DAB1: variants seen among roughly 807,000 people sequenced by gnomAD.
DAB1 encodes disabled homolog 1.
DAB1 carries 15 observed loss-of-function variants against 64.6 expected under a neutral mutation model. The observed-to-expected ratio is 0.23, with a 90% CI of 0.16 to 0.36. DAB1 has a LOEUF of 0.36. Ranked by LOEUF, DAB1 falls within the 10% of genes least tolerant of loss-of-function variation. The pLI is 1.00. For missense variants in DAB1, 596 were observed against 706.7 expected (o/e 0.84, Z 1.78); for synonymous variants, 235 against 251.9 (o/e 0.93, Z 0.64).
intron 2 of DAB1, among the ~76,000 whole-genome samples, chr1:57,185,116 C>G (rs1328202776): frequency 6.6e-6 from 1 of 152,086 alleles, no homozygotes; most frequent in African/African-American, 2.4e-5. Flanking sequence ...CTCCCCTGCT[C>G]CAAACATGCT....
At chr1:57,707,391 C>T (rs1437400056) in intron 6 of DAB1, among the ~76,000 whole-genome samples, 7 of 145,926 alleles carry the variant, frequency 4.8e-5, no homozygotes, top group Non-Finnish European at 7.4e-5. Flanking sequence ...TTTCATAGTA[C>T]GGATGTGTTG....
intron 1 of DAB1, among the ~76,000 whole-genome samples, chr1:57,379,865 C>T (rs190707313): frequency 1.3e-5 from 2 of 152,328 alleles, no homozygotes; most frequent in African/African-American, 4.8e-5. Context: ...AAATCTGCTA[C>T]TCATTAACAC....
At chr1:58,496,898 G>C (rs559618250) in intron 3 of DAB1, among the ~76,000 whole-genome samples, 17 of 152,184 alleles carry the variant, frequency 1.1e-4, no homozygotes, top group African/African-American at 4.1e-4. Flanking sequence ...TTGCAGGGTG[G>C]TGCTAAATTA....
intron 3 of DAB1, among the ~76,000 whole-genome samples, chr1:58,378,090 T>C (rs1644347171): frequency 7.5e-6 from 1 of 133,888 alleles, no homozygotes; most frequent in South Asian, 2.4e-4. Flanking sequence ...TCTAAATTTT[T>C]TTCAAAGTTT....
chr1:57,175,140 A>G (rs552302709), intron 2 of DAB1, among the ~76,000 whole-genome samples: 3 of 152,268 alleles, frequency 2.0e-5, no homozygotes, highest in African/African-American at 7.2e-5. Flanking sequence ...TTTTATGCTT[A>G]TACACTTCAT....
chr1:57,347,168 C>CA (rs1678179383), intron 1 of DAB1, among the ~76,000 whole-genome samples: 1 of 152,160 alleles, frequency 6.6e-6, no homozygotes, highest in African/African-American at 2.4e-5. Flanking sequence ...TATGCTTATA[C>CA]AAACTAGGAG....
At chr1:57,320,283 T>C (rs558820218) in intron 1 of DAB1, among the ~76,000 whole-genome samples, 1 of 152,252 alleles carries the variant, frequency 6.6e-6, no homozygotes, top group Non-Finnish European at 1.5e-5. Context: ...TGTGAGTCAA[T>C]TAACTTCTTT....
At chr1:57,189,431 C>T (rs1226583040) in intron 2 of DAB1, among the ~76,000 whole-genome samples, 5 of 152,124 alleles carry the variant, frequency 3.3e-5, no homozygotes, top group Non-Finnish European at 5.9e-5. Context: ...TGTTAGCCCT[C>T]CCTAATCCAA....
chr1:58,289,546 A>T (rs1661767317), intron 4 of DAB1, among the ~76,000 whole-genome samples: 1 of 152,212 alleles, frequency 6.6e-6, no homozygotes, highest in African/African-American at 2.4e-5. Flanking sequence ...CTTGATATTA[A>T]AAGTGAATAC....
Position 57,547,727 on chromosome 1 carries a change from G to A in DAB1, n.625+101865C>T, listed in dbSNP as rs1454791523. ...TCTGGAACAGAAAAAGGACATGAGTGGAAAACTGGTGAAATCCAAATAACG... is the reference window on the plus strand; with the variant it reads ...TCTGGAACAGAAAAAGGACATGAGTAGAAAACTGGTGAAATCCAAATAACG... On this transcript the variant is annotated intron_variant and non_coding_transcript_variant, in intron 7 of 20. Coordinates refer to the DAB1 transcript ENST00000485760. Among the ~76,000 whole-genome samples the A allele has an allele frequency of 2.6e-5, 4 of 152,184 alleles. No homozygotes were observed. The East Asian group carries it at 7.7e-4, about 29-fold the overall frequency.
chr1:58,131,767 C>T (rs1453558926), intron 5 of DAB1, among the ~76,000 whole-genome samples: 7 of 148,530 alleles, frequency 4.7e-5, no homozygotes, highest in Admixed American at 1.3e-4. Context: ...AGTTAGGCTG[C>T]TCGGGGGTCA....
intron 5 of DAB1, among the ~76,000 whole-genome samples, chr1:58,065,988 T>A (rs1435733652): frequency 1.3e-5 from 2 of 152,232 alleles, no homozygotes; most frequent in Non-Finnish European, 2.9e-5. Context: ...GTCTGCCCAC[T>A]GCACTCTCAG....
intron 1 of DAB1, among the ~76,000 whole-genome samples, chr1:57,391,766 AACACAC>A (rs57332880): frequency 0.13 from 12,446 of 94,512 alleles, 537 homozygotes; most frequent in Non-Finnish European, 0.15. Flanking sequence ...CAGAGGAATA[AACACAC>A]ACACACACAC....
chr1:57,464,307 C>T (rs969206889), intron 7 of DAB1, among the ~76,000 whole-genome samples: 2 of 152,058 alleles, frequency 1.3e-5, no homozygotes, highest in Non-Finnish European at 2.9e-5. Flanking sequence ...GAAAACGATG[C>T]CTCCTTATTC....
At chr1:58,511,253 T>C (rs1331672141) in intron 2 of DAB1, among the ~76,000 whole-genome samples, 1 of 152,004 alleles carries the variant, frequency 6.6e-6, no homozygotes, top group Non-Finnish European at 1.5e-5. Flanking sequence ...ATTAAAACAG[T>C]ATAGTATTAG....
At position 57,691,913 on chromosome 1, in the gene DAB1, T is replaced by C. The variant is rs767963593; in HGVS notation, n.552-42248A>G. ...GTTGGGCAGTTAAAAGCAAATAGCA[T>C]GGCTGCCGGACTAAAGACATGGGTG... On this transcript the variant is annotated intron_variant and non_coding_transcript_variant, in intron 6 of 20. Transcript: ENST00000485760. Among the ~76,000 whole-genome samples the C allele has an allele frequency of 7.4e-4, 112 of 152,130 alleles. 1 individual carries two copies. Among genetic ancestry groups the C allele is most frequent in the Non-Finnish European group, 1.4e-3 (93 of 68,018 alleles).
intron 5 of DAB1, among the ~76,000 whole-genome samples, chr1:58,149,767 C>T (rs564937639): frequency 6.6e-6 from 1 of 152,204 alleles, no homozygotes; most frequent in Non-Finnish European, 1.5e-5. Flanking sequence ...CCCCTATCCA[C>T]CCCACTCACA....
At chr1:58,150,364 TC>T (rs1201611889) in intron 5 of DAB1, 1 of 152,196 alleles carries the variant, frequency 6.6e-6, no homozygotes, top group Non-Finnish European at 1.5e-5. Flanking sequence ...AATAAGCATC[TC>T]CTTTGTCTGA....
At chr1:58,034,668 A>T (rs907585875) in intron 5 of DAB1, among the ~76,000 whole-genome samples, 1 of 152,230 alleles carries the variant, frequency 6.6e-6, no homozygotes, top group Non-Finnish European at 1.5e-5. Flanking sequence ...TTCTAGTAGC[A>T]GTTAGCTCAG....
Sources: allele counts gnomAD v4.1 joint callset (sites outside exome capture counted in the v4.1 genomes callset), GRCh38; gene constraint gnomAD v4.1.1; transcripts MANE v1.5; gene names NCBI Gene and HGNC (gene_info 2026-07-23, HGNC 2026-07-21).